Variants in SULF1 observed in about 807,000 individuals in gnomAD.
SULF1 encodes the protein sulfatase 1.
In SULF1, 46 loss-of-function variants were observed where a neutral mutation model predicts 110.5. That is an observed-to-expected ratio of 0.42 (90% CI 0.33 to 0.53). The LOEUF (loss-of-function observed/expected upper bound fraction) is 0.53. SULF1 is among the 20% of genes least tolerant of loss of function. The pLI is 0.12. For missense variants in SULF1, 941 were observed against 1,094.2 expected (o/e 0.86, Z 1.98); for synonymous variants, 371 against 387.1 (o/e 0.96, Z 0.49).
intron 3 of SULF1, among the ~76,000 whole-genome samples, chr8:69,537,832 A>G (rs1401717637): frequency 1.3e-5 from 2 of 152,194 alleles, no homozygotes; most frequent in African/African-American, 4.8e-5. Flanking sequence ...TTCCTCAGAG[A>G]CTGTCTTTTC....
chr8:69,647,117 G>T (rs751572258), intron 22 of SULF1, among the ~76,000 whole-genome samples: 1 of 151,460 alleles, frequency 6.6e-6, no homozygotes, highest in African/African-American at 2.4e-5. Context: ...GCTAATTTTT[G>T]TATTTTTAGT....
Position 69,600,719 on chromosome 8 carries a change from A to G in SULF1, c.851A>G (p.Gln284Arg). The change falls in exon 9 of 23, where the codon CAG (glutamine) becomes CGG (arginine). Residue 284 changes from glutamine (Q) to arginine (R), a missense_variant. By Grantham distance (43) the Gln-to-Arg change is conservative. Around this residue, in one of 3 missense-constraint regions of SULF1, gnomAD observed 822 missense variants for 934.3 expected, o/e 0.88. Coordinates refer to ENST00000402687, the MANE Select transcript of SULF1 (RefSeq NM_001128205.2). Reference protein sequence around the residue: ...FTNILQRKRLQTLMSVDDSVE... With the variant: ...FTNILQRKRLRTLMSVDDSVE... ...AACATTCTACAGCGCAAAAGGCTCC[A>G]GACTTTGATGTCAGTGGATGATTCT... 1 of 1,614,062 alleles carries G rather than the reference A, an allele frequency of 6.2e-7. No individual in the cohort carries two copies. Among genetic ancestry groups the G allele is most frequent in the South Asian group, 1.1e-5 (1 of 91,064 alleles).
intron 3 of SULF1, among the ~76,000 whole-genome samples, chr8:69,510,595 T>C (rs1265677818): frequency 6.9e-6 from 1 of 145,356 alleles, no homozygotes; most frequent in Non-Finnish European, 1.5e-5. Context: ...GTTTTTGTGT[T>C]GGGTTTTTTG....
At chr8:69,499,033 A>G (rs1170997842) in intron 2 of SULF1, among the ~76,000 whole-genome samples, 2 of 152,018 alleles carry the variant, frequency 1.3e-5, no homozygotes, top group East Asian at 3.9e-4. Context: ...TAATTTTTGT[A>G]TTTTTAGTAG....
intron 13 of SULF1, among the ~76,000 whole-genome samples, chr8:69,617,301 A>G (rs1280096246): frequency 1.4e-5 from 2 of 144,494 alleles, no homozygotes; most frequent in African/African-American, 5.1e-5. Context: ...CCTCCCTCCA[A>G]GTAGCTGGGA....
rs139690250 is a variant in SULF1 at position 69,659,228 on chromosome 8, C to T, written c.*693C>T. On this transcript the variant is annotated 3_prime_UTR_variant, in exon 23 of 23. Coordinates refer to ENST00000402687, the MANE Select transcript of SULF1 (RefSeq NM_001128205.2). ...GAACACCGAAGTAATTCCAGCATAG[C>T]GGGGAAGATGTTGACCAAGGTGGAG... 2.3e-3 allele frequency: 1,052 copies of T among 456,360 alleles called. 13 individuals are homozygous for T. The highest frequency in any genetic ancestry group is 0.019 in the African/African-American group (928 of 50,128). 28.3% of individuals were successfully genotyped at this position (456,360 alleles called of 1,614,324 possible). A position where few individuals can be genotyped will look rare whatever the true frequency, so the allele number is the denominator to read the frequency against.
Position 69,586,339 on chromosome 8 carries a change from T to C in SULF1, c.413-18T>C, listed in dbSNP as rs767047120. 8 of 1,546,352 alleles carry C rather than the reference T, an allele frequency of 5.2e-6. No homozygotes were observed. The African/African-American group carries it at 8.4e-5, about 16-fold the overall frequency. ...AATCATTTTACGTGAAAAAAATAAT[T>C]CTTTTTTCCCACTGCAGCCTTTTTT... On this transcript the variant is annotated intron_variant, in intron 6 of 22. Coordinates refer to ENST00000402687, the MANE Select transcript of SULF1 (RefSeq NM_001128205.2).
At chr8:69,605,784 G>A (rs1386289811) in intron 13 of SULF1, among the ~76,000 whole-genome samples, 1 of 152,202 alleles carries the variant, frequency 6.6e-6, no homozygotes, top group East Asian at 1.9e-4. Flanking sequence ...GTGAGCATTT[G>A]TCTTACATCA....
chr8:69,652,497 G>T (rs1812418975), intron 22 of SULF1, among the ~76,000 whole-genome samples: 1 of 152,200 alleles, frequency 6.6e-6, no homozygotes, highest in Non-Finnish European at 1.5e-5. Context: ...CCACAGACCT[G>T]ATGCATCTTT....
chr8:69,545,568 G>A (rs4737992), intron 3 of SULF1, among the ~76,000 whole-genome samples: 89,313 of 152,024 alleles, frequency 0.59, 26,254 homozygotes, highest in East Asian at 0.66. Context: ...AGAACTTCTC[G>A]TGGTCCAAGA....
chr8:69,506,000 G>A (rs1430729483), intron 3 of SULF1, among the ~76,000 whole-genome samples: 1 of 151,696 alleles, frequency 6.6e-6, no homozygotes, highest in Non-Finnish European at 1.5e-5. Context: ...ACTATTGTTG[G>A]CCTACAAAAG....
intron 18 of SULF1, 148 bp downstream of exon 18, chr8:69,628,384 G>A: frequency 1.5e-6 from 1 of 672,238 alleles, no homozygotes; most frequent in East Asian, 2.7e-5. Context: ...TCATGAAGTT[G>A]AAAGCAAAGC....
chr8:69,637,920 C>T (rs1160298056), intron 19 of SULF1: 1 of 152,896 alleles, frequency 6.5e-6, no homozygotes, highest in African/African-American at 2.4e-5. Flanking sequence ...ACAAGTTAAC[C>T]AGAGGGCTAT....
At chr8:69,638,400 G>A (rs894676578) in intron 19 of SULF1, 102 bp from the exon 20 acceptor site, 2 of 1,307,524 alleles carry the variant, frequency 1.5e-6, no homozygotes, top group Non-Finnish European at 1.0e-6. Context: ...GAAAGAAATT[G>A]TGAACTTTAA....
At chr8:69,629,436 C>A in intron 18 of SULF1, 68 bp from the exon 19 acceptor site, 1 of 1,490,304 alleles carries the variant, frequency 6.7e-7, no homozygotes, top group South Asian at 1.3e-5. Context: ...AGACTCACAG[C>A]AACAAGCCTA....
chr8:69,505,562 A>G (rs7816349), intron 3 of SULF1, among the ~76,000 whole-genome samples: 48,935 of 151,988 alleles, frequency 0.32, 8,205 homozygotes, highest in Non-Finnish European at 0.37. Context: ...TAAATTTAGT[A>G]TATTAATCTA....
chr8:69,657,255 GATCTGAAATTTCCC>G, intron 22 of SULF1, among the ~76,000 whole-genome samples: 1 of 152,162 alleles, frequency 6.6e-6, no homozygotes, highest in African/African-American at 2.4e-5. Flanking sequence ...TTTCTTGCAG[GATCTGAAATTTCCC>G]ATCTTTTGCT....
chr8:69,602,922 A>T (rs1235927943), intron 10 of SULF1, among the ~76,000 whole-genome samples: 2 of 152,226 alleles, frequency 1.3e-5, no homozygotes, highest in South Asian at 2.1e-4. Flanking sequence ...AAAACCATGT[A>T]TCAGGCTGCA....
intron 13 of SULF1, among the ~76,000 whole-genome samples, chr8:69,605,862 A>G (rs1277050486): frequency 6.6e-6 from 1 of 152,222 alleles, no homozygotes; most frequent in Non-Finnish European, 1.5e-5. Context: ...TGAGGTGGGC[A>G]TTGGCATCTC....
Sources: allele counts gnomAD v4.1 joint callset (sites outside exome capture counted in the v4.1 genomes callset), GRCh38; gene constraint gnomAD v4.1.1; regional missense constraint gnomAD v4.1.1; transcripts MANE v1.5; gene names NCBI Gene and HGNC (gene_info 2026-07-23, HGNC 2026-07-21).